Variants in OPHN1 observed in about 807,000 individuals in gnomAD.
The protein encoded by OPHN1 is oligophrenin 1, also known as oligophrenin-1.
A neutral mutation model predicts 60.7 loss-of-function variants in OPHN1; 11 were observed. That is an observed-to-expected ratio of 0.18 (90% CI 0.11 to 0.30). OPHN1 has a LOEUF of 0.30. Ranked by LOEUF, OPHN1 falls within the 10% of genes least tolerant of loss-of-function variation. The pLI is 1.00. For missense variants in OPHN1, 449 were observed against 611.0 expected (o/e 0.73, Z 2.80); for synonymous variants, 226 against 222.6 (o/e 1.02, Z -0.14).
rs192589091 is a variant in OPHN1, at chrX:68,136,897, A to T, written c.1277-17565T>A. ...ATATGTGTAAAAATATTTTTGCTGT[A>T]CATAAAGTTCTTGAATACTATATGT... is the stretch of plus-strand genomic sequence containing the variant. On this transcript the variant is annotated intron_variant, in intron 15 of 24. Transcript: ENST00000355520. 6.3e-5 allele frequency among the ~76,000 whole-genome samples: 7 copies of T among 111,942 alleles called. No homozygotes were observed. The East Asian group carries it at 2.0e-3, about 32-fold the overall frequency.
intron 21 of OPHN1, 138 bp from the exon 22 acceptor site, chrX:68,053,948 ATT>A (rs397895409): frequency 7.8e-4 from 354 of 452,365 alleles, no homozygotes; most frequent in Middle Eastern, 1.9e-3. Context: ...AACTCTGGCT[ATT>A]TTTTTTTTTT....
chrX:68,416,057 T>TAGAGAG (rs2078795193), intron 2 of OPHN1, among the ~76,000 whole-genome samples: 1 of 7,882 alleles, frequency 1.3e-4, no homozygotes, highest in Non-Finnish European at 9.7e-4. Context: ...TATATATATA[T>TAGAGAG]ATATATATAT....
intron 12 of OPHN1, 129 bp from the exon 13 acceptor site, chrX:68,194,627 A>T (rs1246012183): frequency 1.7e-6 from 1 of 591,218 alleles, no homozygotes; most frequent in East Asian, 3.5e-5. Flanking sequence ...GATGTTAAAA[A>T]GATAGCCAAG....
intron 2 of OPHN1, among the ~76,000 whole-genome samples, chrX:68,367,926 T>C (rs1330169268): frequency 8.9e-6 from 1 of 111,919 alleles, no homozygotes; most frequent in African/African-American, 3.2e-5. Flanking sequence ...TTAAACCTCT[T>C]TCCTTTATGA....
intron 6 of OPHN1, 141 bp from the exon 7 acceptor site, chrX:68,214,113 A>T (rs2077597612): frequency 2.1e-6 from 1 of 479,592 alleles, no homozygotes; most frequent in Admixed American, 3.1e-5. Context: ...AGAAATAGAG[A>T]ACCTAAAGCC....
intron 20 of OPHN1, among the ~76,000 whole-genome samples, chrX:68,069,798 G>T (rs1185428892): frequency 9.0e-6 from 1 of 110,997 alleles, no homozygotes; most frequent in African/African-American, 3.3e-5. Context: ...ATGAAAGAGT[G>T]AGCCTTGTGA....
chrX:68,409,868 C>T (rs2078761142), intron 2 of OPHN1, among the ~76,000 whole-genome samples: 1 of 111,465 alleles, frequency 9.0e-6, no homozygotes, highest in Non-Finnish European at 1.9e-5. Flanking sequence ...GAGTTATAAA[C>T]AGGTTTAAGA....
At chrX:68,317,709 GAAAGAAAAGA>G (rs746793553) in intron 2 of OPHN1, among the ~76,000 whole-genome samples, 4 of 107,129 alleles carry the variant, frequency 3.7e-5, no homozygotes, top group African/African-American at 1.0e-4. Flanking sequence ...GAAAGAGAAA[GAAAGAAAAGA>G]AAAGAAAAGA....
chrX:68,213,223 T>G (rs976626469), intron 7 of OPHN1, among the ~76,000 whole-genome samples: 8 of 110,691 alleles, frequency 7.2e-5, no homozygotes, highest in African/African-American at 9.9e-5. Flanking sequence ...TACAAAATAT[T>G]AGCTCGGTAT....
intron 15 of OPHN1, among the ~76,000 whole-genome samples, chrX:68,182,277 C>T (rs1377078498): frequency 6.1e-5 from 6 of 98,141 alleles, no homozygotes; most frequent in Non-Finnish European, 1.0e-4. Context: ...GGGGGTCCTA[C>T]CCATGTTCCT....
intron 15 of OPHN1, among the ~76,000 whole-genome samples, chrX:68,140,726 C>G (rs2077239016): frequency 9.1e-6 from 1 of 109,834 alleles, no homozygotes; most frequent in East Asian, 2.9e-4. Flanking sequence ...TACCCCGCCC[C>G]CTATCCAGTG....
intron 2 of OPHN1, among the ~76,000 whole-genome samples, chrX:68,344,742 A>G (rs1338378174): frequency 1.8e-5 from 2 of 112,213 alleles, no homozygotes; most frequent in African/African-American, 6.5e-5. Context: ...TAATAAAAAC[A>G]TAAAATGCTA....
chrX:68,062,528 C>T (rs1405093789), intron 21 of OPHN1, among the ~76,000 whole-genome samples: 8 of 112,200 alleles, frequency 7.1e-5, no homozygotes, highest in African/African-American at 9.7e-5. Flanking sequence ...TGGGCCCAAT[C>T]GGGTCCACAG....
At chrX:68,302,865 A>G (rs1367693902) in intron 2 of OPHN1, among the ~76,000 whole-genome samples, 1 of 111,406 alleles carries the variant, frequency 9.0e-6, no homozygotes. Flanking sequence ...TCAAGGCTAC[A>G]CTGAGCTGTG....
chrX:68,229,225 AAGG>A (rs1271886282), intron 6 of OPHN1, among the ~76,000 whole-genome samples: 3 of 111,762 alleles, frequency 2.7e-5, no homozygotes, highest in Non-Finnish European at 3.8e-5. Context: ...GGACCTCTTC[AAGG>A]AGAACTACAA....
intron 20 of OPHN1, among the ~76,000 whole-genome samples, chrX:68,067,717 T>C (rs1263609472): frequency 1.8e-5 from 2 of 110,483 alleles, no homozygotes; most frequent in African/African-American, 6.6e-5. Context: ...AGTGGAATAA[T>C]CAGGGCTTAG....
Position 68,184,244 on chromosome X carries a change from G to A in OPHN1, c.1276+8675C>T, listed in dbSNP as rs143097834. ...ATGAGTCAAAAAGAGGAATGGGGCC[G>A]GGCGCTGTGGCTCATGCCTGTAATC... On this transcript the variant is annotated intron_variant, in intron 15 of 24. Transcript: ENST00000355520. Among the ~76,000 whole-genome samples the A allele has an allele frequency of 7.2e-3, 811 of 112,095 alleles. 4 individuals carry two copies. The highest frequency in any genetic ancestry group is 9.8e-3 in the Non-Finnish European group (522 of 53,157).
At chrX:68,056,425 A>G (rs1821737177) in intron 21 of OPHN1, among the ~76,000 whole-genome samples, 1 of 111,728 alleles carries the variant, frequency 9.0e-6, no homozygotes, top group South Asian at 3.8e-4. Context: ...CAAGATATAT[A>G]TGTAAAGAAA....
chrX:68,187,666 C>T (rs1003343578), intron 15 of OPHN1, among the ~76,000 whole-genome samples: 5 of 110,967 alleles, frequency 4.5e-5, no homozygotes, highest in Admixed American at 9.6e-5. Flanking sequence ...CTTGCTCTGT[C>T]GCCCAGGCTG....
Sources: allele counts gnomAD v4.1 joint callset (sites outside exome capture counted in the v4.1 genomes callset), GRCh38; gene constraint gnomAD v4.1.1; transcripts MANE v1.5; gene names NCBI Gene and HGNC (gene_info 2026-07-23, HGNC 2026-07-21).